TRMT44: variants seen among roughly 807,000 people sequenced by gnomAD.
TRMT44 encodes the protein probable tRNA (uracil-O(2)-)-methyltransferase.
TRMT44 carries 78 observed loss-of-function variants against 77.3 expected under a neutral mutation model. The ratio of observed to expected loss-of-function variants is 1.01; its 90% CI spans 0.84 to 1.22. The LOEUF (loss-of-function observed/expected upper bound fraction) is 1.22, where lower values mean the gene tolerates loss of function less well. Among genes scored for constraint, TRMT44 ranks in the 50% most tolerant of loss-of-function variants. TRMT44 has a pLI of 0.00. For missense variants in TRMT44, 1,090 were observed against 964.4 expected (o/e 1.13, Z -1.73); for synonymous variants, 391 against 383.3 (o/e 1.02, Z -0.23).
intron 6 of TRMT44, among the ~76,000 whole-genome samples, chr4:8,457,524 G>T (rs965833991): frequency 2.6e-5 from 4 of 152,146 alleles, no homozygotes; most frequent in Non-Finnish European, 4.4e-5. Flanking sequence ...TCAGCCTCTA[G>T]ATCAGAGAGT....
At chr4:8,467,818 A>G in intron 8 of TRMT44, 96 bp from the exon 9 acceptor site, 1 of 1,335,006 alleles carries the variant, frequency 7.5e-7, no homozygotes, top group Non-Finnish European at 1.0e-6. Context: ...AGACATTGAA[A>G]ACTTGTGATT....
At chr4:8,458,025 T>C (rs948193978) in intron 6 of TRMT44, among the ~76,000 whole-genome samples, 1 of 152,086 alleles carries the variant, frequency 6.6e-6, no homozygotes, top group East Asian at 1.9e-4. Flanking sequence ...CAGCGCCAGA[T>C]GATGAGGAAG....
chr4:8,486,612 G>C (rs62287401), intron 2 of TRMT44, among the ~76,000 whole-genome samples: 4 of 151,884 alleles, frequency 2.6e-5, no homozygotes, highest in African/African-American at 9.7e-5. Context: ...AAAGCGTCTC[G>C]GGGTTGCTGC....
intron 6 of TRMT44, among the ~76,000 whole-genome samples, chr4:8,460,785 A>G (rs1447109200): frequency 6.6e-6 from 1 of 152,122 alleles, no homozygotes; most frequent in Non-Finnish European, 1.5e-5. Context: ...CTCTGGCCTC[A>G]AGTGATCCAC....
chr4:8,481,143 C>T (rs1008542123), downstream of TRMT44, among the ~76,000 whole-genome samples: 8 of 152,214 alleles, frequency 5.3e-5, no homozygotes, highest in African/African-American at 1.9e-4. Context: ...TTTATCTTAA[C>T]TTGAACATTT....
chr4:8,462,221 A>G (rs530847164), intron 6 of TRMT44, among the ~76,000 whole-genome samples: 14 of 150,612 alleles, frequency 9.3e-5, no homozygotes, highest in African/African-American at 3.4e-4. Flanking sequence ...GACCAGCCTG[A>G]CCAACATGGA....
chr4:8,515,724 AT>A, the TRMT44 span, among the ~76,000 whole-genome samples: 1 of 152,024 alleles, frequency 6.6e-6, no homozygotes, highest in Admixed American at 6.5e-5. Flanking sequence ...CTGCCCAAAT[AT>A]TGTTCCCCAG....
rs987026826 is a variant in TRMT44, at chr4:8,440,826, G to C, written c.4G>C (p.Ala2Pro). The change falls in exon 1 of 11, where the codon GCT (alanine) becomes CCT (proline). Residue 2 changes from alanine to proline, a missense_variant. By Grantham distance (27) the Ala-to-Pro change is conservative. Transcript: ENST00000389737. M[A>P]EVGRTGISYP... ...GGCTGTACACCTGCTGGCTGCCATGGCTGAGGTGGGCCGTACCGGGATCAG... is the reference window on the plus strand; with the variant it reads ...GGCTGTACACCTGCTGGCTGCCATGCCTGAGGTGGGCCGTACCGGGATCAG... 92 of 1,464,224 alleles carry C rather than the reference G, an allele frequency of 6.3e-5. No individual in the cohort carries two copies. The highest frequency in any genetic ancestry group is 7.6e-5 in the Non-Finnish European group (85 of 1,111,282). The allele number at this position is 1,464,224 out of a possible 1,614,324, so 90.7% of individuals were successfully genotyped here.
chr4:8,499,540 G>A, the TRMT44 span, among the ~76,000 whole-genome samples: 3 of 148,776 alleles, frequency 2.0e-5, no homozygotes, highest in Non-Finnish European at 3.0e-5. Context: ...GGGTGAGGTC[G>A]TGTGTGTTGG....
At chr4:8,453,072 CT>C (rs2109109800) in intron 5 of TRMT44, 83 bp downstream of exon 5, 1 of 754,472 alleles carries the variant, frequency 1.3e-6, no homozygotes, top group Non-Finnish European at 2.0e-6. Flanking sequence ...ACATCTTTTT[CT>C]GCTGATACAG....
chr4:8,476,666 C>T (rs376939790), downstream of TRMT44: 36 of 152,412 alleles, frequency 2.4e-4, no homozygotes, highest in African/African-American at 8.0e-4. Context: ...CTTCCTCCCT[C>T]CTCCATGAGA....
Position 8,467,989 on chromosome 4 carries a change from A to C in TRMT44, c.1570A>C (p.Ile524Leu), listed in dbSNP as rs747428817. ...ASVDEKRTQY[I>L]KSRRGCPVSP... Reference sequence around the variant, plus strand: ...CGTGGATGAAAAGAGGACTCAGTACATTAAGAGCAGGCGGGGCTGCCCTGT... The same window carrying C: ...CGTGGATGAAAAGAGGACTCAGTACCTTAAGAGCAGGCGGGGCTGCCCTGT... Residue 524 changes from isoleucine to leucine, a missense_variant, in exon 9 of 11, where the codon ATT (isoleucine) becomes CTT (leucine). Coordinates refer to ENST00000389737, the MANE Select transcript of TRMT44 (RefSeq NM_152544.3). The C allele has an allele frequency of 1.2e-6, 2 of 1,614,188 alleles. No homozygotes were observed. Among genetic ancestry groups the C allele is most frequent in the Non-Finnish European group, 1.7e-6 (2 of 1,180,042 alleles).
Position 8,446,520 on chromosome 4 carries a change from G to C in TRMT44, c.664G>C (p.Asp222His), listed in dbSNP as rs746519271. 12 of 1,536,610 alleles carry C rather than the reference G, an allele frequency of 7.8e-6. 1 individual carries two copies. In the Middle Eastern group the frequency reaches 1.3e-3, roughly 171 times the overall value. ...AACGTTTTTGCCTTTGGAAGAAGAT[G>C]ATGAGGGGAACCTAAAGGTTAAGAT... ...TITFLPLEED[D>H]EGNLKVKMSN... The change falls in exon 2 of 11, where the codon GAT (aspartate) becomes CAT (histidine). Residue 222 changes from aspartate (D) to histidine (H), a missense_variant. Transcript: ENST00000389737. The surrounding 1 kb of genome is among the most constrained non-coding windows in gnomAD (Gnocchi z 4.3).
the TRMT44 span, among the ~76,000 whole-genome samples, chr4:8,511,379 T>A: frequency 6.6e-6 from 1 of 152,142 alleles, no homozygotes; most frequent in Non-Finnish European, 1.5e-5. Context: ...GTCAGAATAA[T>A]GTCCCCCCTC....
At position 8,481,907 on chromosome 4, in the gene TRMT44, C is replaced by T. The variant is rs560124728; in HGVS notation, n.3891+2374C>T. Among the ~76,000 whole-genome samples, 322 of 152,320 alleles carry T rather than the reference C, an allele frequency of 2.1e-3. 3 individuals are homozygous for T. Among genetic ancestry groups the T allele is most frequent in the Non-Finnish European group, 6.9e-4 (47 of 68,028 alleles). On this transcript the variant is annotated intron_variant and non_coding_transcript_variant, in intron 2 of 2. Coordinates refer to the TRMT44 transcript ENST00000511366. ...CTTCTTGAGGAATTGTCACTCTTTT[C>T]AGAAACATGGCCATGGTGATGTGCT...
the TRMT44 span, among the ~76,000 whole-genome samples, chr4:8,508,095 T>C: frequency 3.3e-5 from 5 of 152,080 alleles, no homozygotes; most frequent in African/African-American, 7.2e-5. Context: ...GTAGTAGAGA[T>C]GGGGTTTCAC....
downstream of TRMT44, among the ~76,000 whole-genome samples, chr4:8,494,925 G>C (rs971032640): frequency 6.6e-6 from 1 of 152,166 alleles, no homozygotes; most frequent in Non-Finnish European, 1.5e-5. Flanking sequence ...GAGCACCGTC[G>C]TAGGTGTGTT....
At position 8,462,608 on chromosome 4, in the gene TRMT44, G is replaced by A. The variant is rs181868239; in HGVS notation, c.1204-1377G>A. 3.3e-5 allele frequency among the ~76,000 whole-genome samples: 5 copies of A among 152,196 alleles called. No homozygotes were observed. The East Asian group carries it at 9.7e-4, about 29-fold the overall frequency. The stretch of plus-strand genomic sequence containing the variant: ...TAATCCCAGCTACTCAGGAGGCTGA[G>A]GCAGTAGAATTGCTTGAACCTGGGA... On this transcript the variant is annotated intron_variant, in intron 6 of 10. Coordinates refer to ENST00000389737, the MANE Select transcript of TRMT44 (RefSeq NM_152544.3).
chr4:8,452,745 A>G lies in TRMT44; in HGVS notation c.1024-137A>G, dbSNP rs548113063. The G allele has an allele frequency of 1.3e-3, 664 of 524,180 alleles. 1 individual carries two copies. The highest frequency in any genetic ancestry group is 2.8e-3 in the Admixed American group (72 of 25,798). The allele number at this position is 524,180 out of a possible 1,614,324, so 32.5% of individuals were successfully genotyped here. A position where few individuals can be genotyped will look rare whatever the true frequency, so the allele number is the denominator to read the frequency against. The stretch of plus-strand genomic sequence containing the variant: ...GCAACACTCCATCTCAAAAAAAGAA[A>G]AAAAAAAAAGAATGTTTAGTGTAGA... On this transcript the variant is annotated intron_variant, in intron 4 of 10. Coordinates refer to ENST00000389737, the MANE Select transcript of TRMT44 (RefSeq NM_152544.3). This position sits in a 1 kb window ranked among gnomAD's most constrained non-coding sequence, Gnocchi z 5.7.
Sources: allele counts gnomAD v4.1 joint callset (sites outside exome capture counted in the v4.1 genomes callset), GRCh38; gene constraint gnomAD v4.1.1; non-coding constraint Gnocchi (gnomAD v3.1); transcripts MANE v1.5; gene names NCBI Gene and HGNC (gene_info 2026-07-23, HGNC 2026-07-21).